Variants in WIPF3 observed in about 807,000 individuals in gnomAD.
The protein encoded by WIPF3 is WAS/WASL-interacting protein family member 3.
A neutral mutation model predicts 38.9 loss-of-function variants in WIPF3; 33 were observed. The observed-to-expected ratio is 0.85, with a 90% CI of 0.64 to 1.14. WIPF3 has a LOEUF of 1.14. Among genes scored for constraint, WIPF3 ranks in the 50% most tolerant of loss-of-function variants. The probability of loss-of-function intolerance (pLI) is 0.00; values close to 1 mark genes in which losing one functional copy is unlikely to be tolerated. For missense variants in WIPF3, 711 were observed against 652.5 expected (o/e 1.09, Z -0.98); for synonymous variants, 324 against 269.3 (o/e 1.20, Z -1.99).
At chr7:29,892,937 C>T (rs1051945842) in intron 7 of WIPF3, among the ~76,000 whole-genome samples, 11 of 152,106 alleles carry the variant, frequency 7.2e-5, no homozygotes, top group South Asian at 2.1e-4. Context: ...TGGTGGCGGA[C>T]GCCCGTAATC....
At chr7:29,815,881 T>G (rs1161696483) in intron 1 of WIPF3, among the ~76,000 whole-genome samples, 1 of 152,166 alleles carries the variant, frequency 6.6e-6, no homozygotes, top group East Asian at 1.9e-4. Context: ...AACTTGTGGA[T>G]GGCTGTGGTG....
At chr7:29,840,215 G>A (rs998606524) in intron 2 of WIPF3, among the ~76,000 whole-genome samples, 3 of 152,052 alleles carry the variant, frequency 2.0e-5, no homozygotes, top group African/African-American at 7.2e-5. Flanking sequence ...GAACTTCCTG[G>A]ACCCTGTTGA....
In WIPF3 at chr7:29,879,128, C is replaced by A. The variant is rs769137726; in HGVS notation, c.343C>A (p.Arg115=). 1 of 1,611,134 alleles carries A rather than the reference C, an allele frequency of 6.2e-7. No homozygotes were observed. Among genetic ancestry groups the A allele is most frequent in the Non-Finnish European group, 8.5e-7 (1 of 1,178,464 alleles). ...GFPVLRPAGQ[R]DVAGGKTGQG... Reference sequence around the variant, plus strand: ...TCCTGTATTGCGACCAGCAGGCCAGCGGGATGTAGCAGGTAAGGAAGAATT... The same window carrying A: ...TCCTGTATTGCGACCAGCAGGCCAGAGGGATGTAGCAGGTAAGGAAGAATT... The change falls in exon 4 of 9, where the codon CGG becomes AGG. Residue 115 remains arginine (R), a synonymous_variant. Coordinates refer to ENST00000242140, the MANE Select transcript of WIPF3 (RefSeq NM_001080529.3).
intron 5 of WIPF3, among the ~76,000 whole-genome samples, chr7:29,886,347 CTTTTTTTTTT>C (rs11337399): frequency 6.4e-5 from 3 of 46,572 alleles, no homozygotes; most frequent in African/African-American, 1.8e-4. Flanking sequence ...AAAGACAAAG[CTTTTTTTTTT>C]TTTTTTTTTT....
At position 29,834,603 on chromosome 7, in the gene WIPF3, A is replaced by G. The variant is rs1784769112; in HGVS notation, c.-57-65A>G. On this transcript the variant is annotated intron_variant, in intron 1 of 8. Transcript: ENST00000242140. ...TGACTATAATATGCATGTCTGCAAG[A>G]TACACATTTCCTGCATGTAAGTAAA... The G allele has an allele frequency of 5.3e-6, 7 of 1,322,894 alleles. No homozygotes were observed. The South Asian group carries it at 1.0e-4, about 19-fold the overall frequency. The allele number at this position is 1,322,894 out of a possible 1,614,324, so 81.9% of individuals were successfully genotyped here.
chr7:29,900,859 T>A (rs1049950351), intron 7 of WIPF3, among the ~76,000 whole-genome samples: 10 of 152,168 alleles, frequency 6.6e-5, no homozygotes, highest in African/African-American at 1.9e-4. Context: ...CATTGCACTG[T>A]CTCTCCACTC....
intron 2 of WIPF3, among the ~76,000 whole-genome samples, chr7:29,865,161 A>T (rs373036901): frequency 2.0e-5 from 3 of 152,182 alleles, no homozygotes; most frequent in Non-Finnish European, 4.4e-5. Flanking sequence ...AACCTGGCTA[A>T]GTTTTGCCAC....
At position 29,831,687 on chromosome 7, in the gene WIPF3, G is replaced by A. The variant is rs189888247; in HGVS notation, c.-57-2981G>A. Among the ~76,000 whole-genome samples the A allele has an allele frequency of 2.9e-4, 44 of 152,330 alleles. 2 individuals carry two copies. Among genetic ancestry groups the A allele is most frequent in the African/African-American group, 1.0e-3 (43 of 41,572 alleles). ...ATATGTAAAGTCTAATCAGGTGTTT[G>A]GCAGGTAGTCTTACAGGTGAGTCAG... is the stretch of plus-strand genomic sequence containing the variant. On this transcript the variant is annotated intron_variant, in intron 1 of 8. Transcript: ENST00000242140.
intron 7 of WIPF3, among the ~76,000 whole-genome samples, chr7:29,896,413 G>A (rs972380000): frequency 1.3e-5 from 2 of 152,152 alleles, no homozygotes; most frequent in East Asian, 1.9e-4. Flanking sequence ...TCAAGAGCTC[G>A]AGACGAGCCT....
chr7:29,852,243 C>T (rs1785112877), intron 2 of WIPF3, among the ~76,000 whole-genome samples: 1 of 152,164 alleles, frequency 6.6e-6, no homozygotes. Flanking sequence ...TGGCGTCAAG[C>T]AATCCTCCTG....
intron 2 of WIPF3, among the ~76,000 whole-genome samples, chr7:29,855,118 A>C (rs1277485787): frequency 1.3e-5 from 2 of 152,176 alleles, no homozygotes; most frequent in Non-Finnish European, 2.9e-5. Flanking sequence ...CCATCCTCTG[A>C]GATGCTGCCA....
At chr7:29,882,080 G>A (rs556991539) in intron 4 of WIPF3, among the ~76,000 whole-genome samples, 3 of 152,338 alleles carry the variant, frequency 2.0e-5, no homozygotes, top group Admixed American at 6.5e-5. Context: ...CTTCTGCTGC[G>A]CATGTTAGGA....
intron 2 of WIPF3, among the ~76,000 whole-genome samples, chr7:29,855,018 C>T (rs549858117): frequency 1.6e-4 from 24 of 152,332 alleles, no homozygotes; most frequent in Non-Finnish European, 1.8e-4. Context: ...ACTTTGTTGT[C>T]AGCCCTAACA....
At position 29,890,064 on chromosome 7, in the gene WIPF3, T is replaced by C. The variant is rs1197607692; in HGVS notation, c.1351+657T>C. 2.0e-5 allele frequency among the ~76,000 whole-genome samples: 3 copies of C among 152,120 alleles called. No homozygotes were observed. The East Asian group carries it at 5.8e-4, about 29-fold the overall frequency. ...TTAACCCAGCTTAACTGTTCAGCCT[T>C]AAGAGTAGAAAGATGAGCCAGGCAT... On this transcript the variant is annotated intron_variant, in intron 7 of 8. Transcript: ENST00000242140.
rs1251754051 is a variant in WIPF3 at position 29,915,420 on chromosome 7, A to T, written c.*904A>T. 6.6e-6 allele frequency: 1 copy of T among 152,174 alleles called. No individual in the cohort carries two copies. Among genetic ancestry groups the T allele is most frequent in the Non-Finnish European group, 1.5e-5 (1 of 68,052 alleles). The allele number at this position is 152,174 out of a possible 1,614,324, so 9.4% of individuals were successfully genotyped here. On this transcript the variant is annotated 3_prime_UTR_variant, in exon 9 of 9. Transcript: ENST00000242140. ...CCTTCTGCCCTTGCTTCGAGTGTGG[A>T]CTTCCATGGAAAATATGACATGAAA... is the stretch of plus-strand genomic sequence containing the variant.
At position 29,830,563 on chromosome 7, in the gene WIPF3, T is replaced by C. The variant is rs1327907162; in HGVS notation, c.-57-4105T>C. Among the ~76,000 whole-genome samples, 3 of 145,394 alleles carry C rather than the reference T, an allele frequency of 2.1e-5. No homozygotes were observed. The East Asian group carries it at 6.1e-4, about 29-fold the overall frequency. On this transcript the variant is annotated intron_variant, in intron 1 of 8. Transcript: ENST00000242140. The stretch of plus-strand genomic sequence containing the variant: ...TGAACCCAGGAGGTGGAGGTTGCAG[T>C]GAGCCGAGATCACGCCGCTGCACTC...
chr7:29,896,351 A>G (rs985259573), intron 7 of WIPF3, among the ~76,000 whole-genome samples: 1 of 152,100 alleles, frequency 6.6e-6, no homozygotes, highest in Admixed American at 6.5e-5. Flanking sequence ...ACAGTGGCTC[A>G]TGTCTCTAAT....
At chr7:29,886,444 C>T (rs561558709) in intron 5 of WIPF3, among the ~76,000 whole-genome samples, 12 of 150,562 alleles carry the variant, frequency 8.0e-5, no homozygotes, top group African/African-American at 2.9e-4. Context: ...GCAACCTTCG[C>T]CTCCCAGGTT....
At chr7:29,810,450 G>A (rs1784354418) in intron 1 of WIPF3, among the ~76,000 whole-genome samples, 2 of 151,766 alleles carry the variant, frequency 1.3e-5, no homozygotes, top group South Asian at 4.1e-4. Flanking sequence ...GACTGTGTAA[G>A]TGGAGGAATC....
Sources: allele counts gnomAD v4.1 joint callset (sites outside exome capture counted in the v4.1 genomes callset), GRCh38; gene constraint gnomAD v4.1.1; transcripts MANE v1.5; gene names NCBI Gene and HGNC (gene_info 2026-07-23, HGNC 2026-07-21).